ACTN1: variants seen among roughly 807,000 people sequenced by gnomAD.
ACTN1 encodes the protein actinin alpha 1.
In ACTN1, 30 loss-of-function variants were observed where a neutral mutation model predicts 119.6. The ratio of observed to expected loss-of-function variants is 0.25; its 90% CI spans 0.19 to 0.34. The LOEUF is 0.34. Ranked by LOEUF, ACTN1 falls within the 10% of genes least tolerant of loss-of-function variation. The pLI, the probability that ACTN1 is intolerant of heterozygous loss-of-function variation, is 1.00. For missense variants in ACTN1, 764 were observed against 1,223.4 expected, an observed-to-expected ratio of 0.62 and a Z score of 5.60; for synonymous variants, 429 against 472.6, an observed-to-expected ratio of 0.91 and a Z score of 1.20.
Position 68,933,932 on chromosome 14 carries a change from G to C in ACTN1, c.106-8260C>G, listed in dbSNP as rs571439580. On this transcript the variant is annotated intron_variant, in intron 1 of 21. Transcript: ENST00000394419. Reference sequence around the variant, plus strand: ...ATGATGGCTACAGAGAGCCATGATTGTGTCACTACAGTCCAACCTGGGGTG... The same window carrying C: ...ATGATGGCTACAGAGAGCCATGATTCTGTCACTACAGTCCAACCTGGGGTG... 6.8e-4 allele frequency among the ~76,000 whole-genome samples: 103 copies of C among 150,730 alleles called. 2 individuals are homozygous for C. In the South Asian group the frequency reaches 0.021, roughly 31 times the overall value.
chr14:68,901,815 G>A (rs1025773251), intron 8 of ACTN1, among the ~76,000 whole-genome samples: 7 of 152,184 alleles, frequency 4.6e-5, no homozygotes, highest in East Asian at 1.9e-4. Flanking sequence ...CAGGCCTCCC[G>A]GAGCAAAACT....
chr14:68,936,464 T>G, intron 1 of ACTN1: 1 of 316,094 alleles, frequency 3.2e-6, no homozygotes, highest in Non-Finnish European at 6.0e-6. Flanking sequence ...GAATATGCTT[T>G]TGTTTGAGTT....
chr14:68,968,543 C>A (rs963358006), intron 1 of ACTN1, among the ~76,000 whole-genome samples: 1 of 152,190 alleles, frequency 6.6e-6, no homozygotes, highest in African/African-American at 2.4e-5. Flanking sequence ...TGTATAGGAA[C>A]AAAAACACCA....
intron 1 of ACTN1, among the ~76,000 whole-genome samples, chr14:68,947,098 A>T (rs138901278): frequency 1.3e-5 from 2 of 152,344 alleles, no homozygotes; most frequent in Admixed American, 1.3e-4. Context: ...GCCCGATTAT[A>T]AAAAAGGTTA....
intron 1 of ACTN1, among the ~76,000 whole-genome samples, chr14:68,927,512 G>A (rs2034991199): frequency 6.6e-6 from 1 of 152,214 alleles, no homozygotes; most frequent in Admixed American, 6.5e-5. Context: ...CCAGGTGAAG[G>A]AACAAGTGGG....
Position 68,880,720 on chromosome 14 carries a change from T to C in ACTN1, c.2133+90A>G. ...GTGAAGTTAATTTATCCTCCAACTA[T>C]GACCTGTTCCCTTGGAGACTTCCCC... On this transcript the variant is annotated intron_variant, in intron 17 of 21. Transcript: ENST00000394419. The surrounding 1 kb of genome is among the most constrained non-coding windows in gnomAD (Gnocchi z 4.6). The C allele has an allele frequency of 7.3e-7, 1 of 1,365,128 alleles. No homozygotes were observed. The highest frequency in any genetic ancestry group is 1.0e-6 in the Non-Finnish European group (1 of 981,778). The allele number at this position is 1,365,128 out of a possible 1,614,324, so 84.6% of individuals were successfully genotyped here. A position where few individuals can be genotyped will look rare whatever the true frequency, so the allele number is the denominator to read the frequency against.
At chr14:68,920,876 A>T in intron 3 of ACTN1, 130 bp downstream of exon 3, 1 of 1,260,208 alleles carries the variant, frequency 7.9e-7, no homozygotes, top group Non-Finnish European at 1.1e-6. Context: ...GACCAGATGG[A>T]GGTGCTGGGG....
At chr14:68,891,080 T>C (rs1360793503) in intron 10 of ACTN1, among the ~76,000 whole-genome samples, 7 of 152,222 alleles carry the variant, frequency 4.6e-5, no homozygotes, top group Non-Finnish European at 8.8e-5. Flanking sequence ...CCAAACTGCA[T>C]ACCCACTTGC....
intron 1 of ACTN1, among the ~76,000 whole-genome samples, chr14:68,928,491 GGTGATCAACAA>G (rs2035041167): frequency 1.3e-5 from 2 of 152,074 alleles, no homozygotes; most frequent in Non-Finnish European, 2.9e-5. Context: ...GCTGTGACCC[GGTGATCAACAA>G]CATGCACTTC....
At chr14:68,903,247 G>T (rs905921128) in intron 7 of ACTN1, among the ~76,000 whole-genome samples, 1 of 152,164 alleles carries the variant, frequency 6.6e-6, no homozygotes, top group South Asian at 2.1e-4. Flanking sequence ...GTTTTTATGC[G>T]TTTGAAAATT....
chr14:68,877,996 G>T (rs2031082795), intron 20 of ACTN1: 1 of 169,784 alleles, frequency 5.9e-6, no homozygotes, highest in Admixed American at 5.5e-5. Context: ...CTGTGCAAGG[G>T]GGGACAGACT....
intron 1 of ACTN1, among the ~76,000 whole-genome samples, chr14:68,941,274 A>C (rs2035754963): frequency 6.6e-6 from 1 of 152,186 alleles, no homozygotes; most frequent in Admixed American, 6.5e-5. Flanking sequence ...TGAATATGTA[A>C]ACTTGAACAT....
At chr14:68,937,361 C>T (rs1004788650) in intron 1 of ACTN1, among the ~76,000 whole-genome samples, 2 of 151,950 alleles carry the variant, frequency 1.3e-5, no homozygotes, top group Non-Finnish European at 2.9e-5. Context: ...TGGGACAAGG[C>T]TCAGGTATTA....
intron 1 of ACTN1, among the ~76,000 whole-genome samples, chr14:68,932,991 G>C (rs1329725611): frequency 1.3e-5 from 2 of 152,128 alleles, no homozygotes; most frequent in African/African-American, 4.8e-5. Context: ...CCTCTCCTGA[G>C]TGCTTTACCT....
At chr14:68,926,165 G>A (rs980450298) in intron 1 of ACTN1, among the ~76,000 whole-genome samples, 28 of 152,304 alleles carry the variant, frequency 1.8e-4, no homozygotes, top group African/African-American at 4.3e-4. Context: ...AGTAAGTTTT[G>A]CTGAGAACAG....
chr14:68,940,883 T>C (rs2035741420), intron 1 of ACTN1, among the ~76,000 whole-genome samples: 1 of 152,334 alleles, frequency 6.6e-6, no homozygotes, highest in East Asian at 1.9e-4. Flanking sequence ...GTCTCCTTTC[T>C]GTGCCCCTAA....
At chr14:68,917,460 C>T (rs1305799338) in intron 3 of ACTN1, among the ~76,000 whole-genome samples, 1 of 152,234 alleles carries the variant, frequency 6.6e-6, no homozygotes, top group Non-Finnish European at 1.5e-5. Context: ...CTGGTCTCCA[C>T]AGTCACAGCC....
intron 21 of ACTN1, 92 bp from the exon 22 acceptor site, chr14:68,875,109 G>T (rs1220541133): frequency 5.7e-6 from 9 of 1,569,096 alleles, no homozygotes; most frequent in Non-Finnish European, 7.7e-6. Flanking sequence ...CGGCGTGAAG[G>T]CAGCATGTGC....
At chr14:68,924,985 G>A (rs1157903481) in intron 2 of ACTN1, among the ~76,000 whole-genome samples, 3 of 152,182 alleles carry the variant, frequency 2.0e-5, no homozygotes, top group Non-Finnish European at 2.9e-5. Flanking sequence ...GAGAGGGCTG[G>A]GCTGGGATTA....
Sources: gnomAD v4.1 joint callset for allele counts (sites outside exome capture counted in the v4.1 genomes callset) on GRCh38, gnomAD v4.1.1 for gene constraint, Gnocchi (gnomAD v3.1) non-coding constraint, MANE v1.5 for transcripts, NCBI Gene and HGNC (gene_info 2026-07-23, HGNC 2026-07-21) for gene names.